The following GALNT14 variants were observed in gnomAD, a reference collection of about 807,000 sequenced individuals.
The protein encoded by GALNT14 is UDP-GalNAc:polypeptide N-acetylgalactosaminyltransferase 14.
In GALNT14, 60 loss-of-function variants were observed where a neutral mutation model predicts 77.5. That is an observed-to-expected ratio of 0.77 (90% CI 0.63 to 0.96). The LOEUF (loss-of-function observed/expected upper bound fraction) is 0.96. Ranked by LOEUF, GALNT14 falls within the 40% of genes least tolerant of loss-of-function variation. The probability of loss-of-function intolerance (pLI) is 0.00; values close to 1 mark genes in which losing one functional copy is unlikely to be tolerated. For missense variants in GALNT14, 710 were observed against 731.0 expected (o/e 0.97, Z 0.33); for synonymous variants, 280 against 281.7 (o/e 0.99, Z 0.06).
intron 1 of GALNT14, among the ~76,000 whole-genome samples, chr2:31,110,115 T>G (rs1284051464): frequency 6.6e-6 from 1 of 152,174 alleles, no homozygotes; most frequent in African/African-American, 2.4e-5. Context: ...GCCTCATCTT[T>G]CAAAAACTGG....
chr2:31,095,824 G>C (rs1340857961), intron 1 of GALNT14, among the ~76,000 whole-genome samples: 1 of 152,130 alleles, frequency 6.6e-6, no homozygotes. Context: ...TCTGAGAAAT[G>C]GTACCTATAT....
rs148596220 is a variant in GALNT14, at chr2:30,951,792, C to G, written c.654+3826G>C. Among the ~76,000 whole-genome samples, 21 of 152,278 alleles carry G rather than the reference C, an allele frequency of 1.4e-4. No homozygotes were observed. The East Asian group carries it at 4.1e-3, about 29-fold the overall frequency. On this transcript the variant is annotated intron_variant, in intron 6 of 14. Coordinates refer to ENST00000349752, the MANE Select transcript of GALNT14 (RefSeq NM_024572.4). ...TGGGCACAGCTCTGGGCAGAGAGCT[C>G]CTGGGTTCAGGTCTGAGTCTTTACC...
At chr2:31,008,238 G>A (rs1167615816) in intron 1 of GALNT14, among the ~76,000 whole-genome samples, 1 of 152,096 alleles carries the variant, frequency 6.6e-6, no homozygotes, top group South Asian at 2.1e-4. Context: ...ACAGGCACAC[G>A]ACACCATGCC....
At chr2:31,069,702 C>T (rs1270796296) in intron 1 of GALNT14, among the ~76,000 whole-genome samples, 4 of 152,150 alleles carry the variant, frequency 2.6e-5, no homozygotes, top group Non-Finnish European at 5.9e-5. Flanking sequence ...AGGCTTGACA[C>T]CCAAAAGTAA....
At chr2:30,964,584 C>T (rs72855221) in intron 3 of GALNT14, among the ~76,000 whole-genome samples, 2,797 of 152,246 alleles carry the variant, frequency 0.018, 37 homozygotes, top group East Asian at 0.055. Flanking sequence ...AATCAGGTGG[C>T]TCTTGGGGTG....
chr2:31,095,009 T>C (rs1205767190), intron 1 of GALNT14, among the ~76,000 whole-genome samples: 1 of 152,014 alleles, frequency 6.6e-6, no homozygotes, highest in African/African-American at 2.4e-5. Context: ...CACAAAAATG[T>C]CAAGTCTGGA....
chr2:31,121,405 G>T (rs1678407984), intron 1 of GALNT14, among the ~76,000 whole-genome samples: 1 of 152,176 alleles, frequency 6.6e-6, no homozygotes, highest in Non-Finnish European at 1.5e-5. Context: ...TCACTGAATT[G>T]CCCCTTTAAG....
chr2:30,965,770 C>T (rs1014122798), intron 3 of GALNT14, among the ~76,000 whole-genome samples: 6 of 150,910 alleles, frequency 4.0e-5, no homozygotes, highest in African/African-American at 1.5e-4. Context: ...TGGCCCCTGG[C>T]AAGTGTGTGG....
At chr2:30,998,005 C>T (rs1670144473) in intron 1 of GALNT14, among the ~76,000 whole-genome samples, 1 of 152,088 alleles carries the variant, frequency 6.6e-6, no homozygotes, top group Admixed American at 6.6e-5. Flanking sequence ...TTAGGCTTCA[C>T]ATATAAACGA....
At chr2:31,038,397 C>T (rs181734754) in intron 1 of GALNT14, among the ~76,000 whole-genome samples, 48 of 151,966 alleles carry the variant, frequency 3.2e-4, no homozygotes, top group African/African-American at 1.1e-3. Context: ...CCCAGCATTA[C>T]CATTGATATT....
At chr2:31,124,127 ACCTGGGG>A (rs1480169832) in intron 1 of GALNT14, among the ~76,000 whole-genome samples, 4 of 152,188 alleles carry the variant, frequency 2.6e-5, no homozygotes, top group Non-Finnish European at 5.9e-5. Flanking sequence ...TGATCCAGTG[ACCTGGGG>A]CAGGTGATTT....
chr2:31,086,877 T>A (rs11692265), intron 1 of GALNT14, among the ~76,000 whole-genome samples: 94,120 of 152,004 alleles, frequency 0.62, 30,221 homozygotes, highest in African/African-American at 0.8. Context: ...TCATAAATTC[T>A]ACAAAGACTT....
intron 1 of GALNT14, among the ~76,000 whole-genome samples, chr2:31,112,302 C>T (rs760284002): frequency 3.9e-4 from 60 of 152,208 alleles, no homozygotes; most frequent in Admixed American, 7.9e-4. Flanking sequence ...ACTGGTACAT[C>T]GGAGCCAACC....
chr2:31,067,288 G>C (rs897015320), intron 1 of GALNT14, among the ~76,000 whole-genome samples: 12 of 152,196 alleles, frequency 7.9e-5, no homozygotes, highest in African/African-American at 2.9e-4. Flanking sequence ...CAGCCATGCA[G>C]TGAGCCCAGG....
intron 1 of GALNT14, among the ~76,000 whole-genome samples, chr2:31,033,752 C>T (rs1672552277): frequency 6.6e-6 from 1 of 152,068 alleles, no homozygotes; most frequent in Non-Finnish European, 1.5e-5. Flanking sequence ...CTCCTTTCCC[C>T]GAGATATGCA....
At chr2:30,953,800 G>T (rs539321697) in intron 6 of GALNT14, among the ~76,000 whole-genome samples, 92 of 152,174 alleles carry the variant, frequency 6.0e-4, no homozygotes, top group Non-Finnish European at 8.7e-4. Flanking sequence ...CAAAATAGGT[G>T]CTCAGGAAAC....
At chr2:31,118,141 G>T (rs897686598) in intron 1 of GALNT14, among the ~76,000 whole-genome samples, 1 of 152,146 alleles carries the variant, frequency 6.6e-6, no homozygotes, top group African/African-American at 2.4e-5. Flanking sequence ...TAGAGAAGGT[G>T]ACTAAAGGGC....
chr2:31,086,012 A>C (rs937188779), intron 1 of GALNT14, among the ~76,000 whole-genome samples: 1 of 152,146 alleles, frequency 6.6e-6, no homozygotes, highest in African/African-American at 2.4e-5. Flanking sequence ...TATCACAAGA[A>C]CAGCACCGGA....
At chr2:31,009,351 C>T (rs920754130) in intron 1 of GALNT14, among the ~76,000 whole-genome samples, 1 of 152,136 alleles carries the variant, frequency 6.6e-6, no homozygotes, top group Non-Finnish European at 1.5e-5. Flanking sequence ...TTTCAGAATA[C>T]TTTCTCCTGG....
Sources: allele counts gnomAD v4.1 joint callset (sites outside exome capture counted in the v4.1 genomes callset), GRCh38; gene constraint gnomAD v4.1.1; transcripts MANE v1.5; gene names NCBI Gene and HGNC (gene_info 2026-07-23, HGNC 2026-07-21).